Variants in PARD3 observed in about 807,000 individuals in gnomAD.
The protein encoded by PARD3 is par-3 family cell polarity regulator, also known as partitioning defective 3 homolog.
A neutral mutation model predicts 155.4 loss-of-function variants in PARD3; 75 were observed. That is an observed-to-expected ratio of 0.48 (90% confidence interval 0.40 to 0.58). The LOEUF is 0.58. PARD3 is among the 20% of genes least tolerant of loss of function. PARD3 has a pLI of 0.00. For missense variants in PARD3, 1,642 were observed against 1,721.7 expected, an observed-to-expected ratio of 0.95 and a Z score of 0.82; for synonymous variants, 576 against 610.5, an observed-to-expected ratio of 0.94 and a Z score of 0.83.
intron 2 of PARD3, among the ~76,000 whole-genome samples, chr10:34,686,886 T>G (rs2093961688): frequency 6.6e-6 from 1 of 151,694 alleles, no homozygotes; most frequent in Non-Finnish European, 1.5e-5. Context: ...CTGTCTCTAC[T>G]AAAAATACAA....
At chr10:34,367,602 G>A (rs1288225560) in intron 12 of PARD3, among the ~76,000 whole-genome samples, 1 of 152,116 alleles carries the variant, frequency 6.6e-6, no homozygotes, top group Non-Finnish European at 1.5e-5. Flanking sequence ...TACTCGGGAG[G>A]CTAAGGCAGG....
chr10:34,360,221 G>C lies in PARD3; in HGVS notation c.1746C>G (p.Gly582=). 1 of 1,613,762 alleles carries C rather than the reference G, an allele frequency of 6.2e-7. No individual in the cohort carries two copies. Among genetic ancestry groups the C allele is most frequent in the Non-Finnish European group, 8.5e-7 (1 of 1,179,676 alleles). ...EDEDIVLTPD[G]TREFLTFEVP... ...CTTCAAATGTCAGAAATTCCCTGGT[G>C]CCATCAGGTGTAAGAACAATATCCT... Residue 582 remains glycine, a synonymous_variant, in exon 13 of 25, where the codon GGC becomes GGG. Transcript: ENST00000374788.
intron 22 of PARD3, among the ~76,000 whole-genome samples, chr10:34,243,021 T>C (rs1168275683): frequency 6.6e-6 from 1 of 152,244 alleles, no homozygotes; most frequent in African/African-American, 2.4e-5. Context: ...TGCATTTCTA[T>C]CTTGTTAGTA....
chr10:34,150,586 G>A (rs1394524015), intron 22 of PARD3, among the ~76,000 whole-genome samples: 2 of 152,190 alleles, frequency 1.3e-5, no homozygotes, highest in African/African-American at 4.8e-5. Context: ...TATGTGAGGT[G>A]ACGTGCCGGA....
chr10:34,736,198 T>C (rs982337608), intron 1 of PARD3, among the ~76,000 whole-genome samples: 4 of 151,628 alleles, frequency 2.6e-5, no homozygotes, highest in African/African-American at 7.3e-5. Flanking sequence ...CACCCGCTAA[T>C]TTTTTGTATT....
intron 3 of PARD3, among the ~76,000 whole-genome samples, chr10:34,480,827 G>A (rs2079038015): frequency 7.0e-6 from 1 of 142,824 alleles, no homozygotes; most frequent in Non-Finnish European, 1.5e-5. Context: ...TTTTGAGACG[G>A]AGTCTTGCTC....
intron 2 of PARD3, among the ~76,000 whole-genome samples, chr10:34,579,970 G>A (rs1197967765): frequency 6.6e-6 from 1 of 151,710 alleles, no homozygotes; most frequent in Non-Finnish European, 1.5e-5. Context: ...GGAGTGCAGT[G>A]GTGCAATCTC....
chr10:34,295,289 A>G (rs1956855809), intron 20 of PARD3, among the ~76,000 whole-genome samples: 1 of 152,218 alleles, frequency 6.6e-6, no homozygotes, highest in African/African-American at 2.4e-5. Context: ...AATGCTGCTC[A>G]TGTAAAAGGG....
intron 1 of PARD3, among the ~76,000 whole-genome samples, chr10:34,743,030 A>G (rs1286076869): frequency 6.6e-6 from 1 of 152,224 alleles, no homozygotes; most frequent in Non-Finnish European, 1.5e-5. Flanking sequence ...TATCTAATTC[A>G]TTGGATTATA....
chr10:34,582,763 CAT>C (rs559763847), intron 2 of PARD3, among the ~76,000 whole-genome samples: 165 of 152,348 alleles, frequency 1.1e-3, no homozygotes, highest in African/African-American at 3.6e-3. Flanking sequence ...GCTAGGCAGT[CAT>C]GTGCTCACCT....
At chr10:34,371,500 A>C (rs1207065591) in intron 12 of PARD3, among the ~76,000 whole-genome samples, 1 of 71,036 alleles carries the variant, frequency 1.4e-5, no homozygotes, top group Non-Finnish European at 2.4e-5. Context: ...AAAAAAAAAA[A>C]AAAAAAAAAA....
intron 2 of PARD3, among the ~76,000 whole-genome samples, chr10:34,555,983 A>ATCT (rs2134008269): frequency 6.6e-6 from 1 of 152,336 alleles, no homozygotes; most frequent in East Asian, 1.9e-4. Context: ...AGAGAGAGAG[A>ATCT]TCTCTACTTG....
chr10:34,414,395 T>A (rs1311642559), intron 5 of PARD3, among the ~76,000 whole-genome samples: 2 of 152,074 alleles, frequency 1.3e-5, no homozygotes, highest in African/African-American at 4.8e-5. Context: ...CCATAAAACA[T>A]CCTAAAGGAA....
intron 23 of PARD3, 76 bp downstream of exon 23, chr10:34,131,387 T>G: frequency 2.9e-5 from 45 of 1,537,966 alleles, no homozygotes; most frequent in Non-Finnish European, 3.6e-5. Context: ...CATAGAGCAT[T>G]GAGGTCATAG....
intron 1 of PARD3, among the ~76,000 whole-genome samples, chr10:34,776,890 G>A (rs1839627386): frequency 6.7e-6 from 1 of 149,600 alleles, no homozygotes; most frequent in African/African-American, 2.5e-5. Flanking sequence ...AGGCTGGAGT[G>A]CAATGGCACA....
At chr10:34,673,729 C>G (rs768320824) in intron 2 of PARD3, among the ~76,000 whole-genome samples, 1 of 152,136 alleles carries the variant, frequency 6.6e-6, no homozygotes, top group Admixed American at 6.5e-5. Context: ...GTTATTCTCT[C>G]TACTACAAAC....
intron 2 of PARD3, among the ~76,000 whole-genome samples, chr10:34,656,107 A>C (rs1212963373): frequency 6.6e-6 from 1 of 152,206 alleles, no homozygotes; most frequent in East Asian, 1.9e-4. Context: ...TGAAGAAAAA[A>C]GTAAAGAGTA....
chr10:34,665,665 C>T (rs1207872331), intron 2 of PARD3, among the ~76,000 whole-genome samples: 1 of 152,014 alleles, frequency 6.6e-6, no homozygotes, highest in Non-Finnish European at 1.5e-5. Context: ...TGGTGAAACC[C>T]CACCTCTACT....
chr10:34,802,923 G>A (rs965868330), intron 1 of PARD3, among the ~76,000 whole-genome samples: 6 of 151,844 alleles, frequency 4.0e-5, no homozygotes, highest in African/African-American at 1.5e-4. Context: ...AAAGCAGGTG[G>A]TATTAAAAGG....
Sources: gnomAD v4.1 joint callset for allele counts (sites outside exome capture counted in the v4.1 genomes callset) on GRCh38, gnomAD v4.1.1 for gene constraint, MANE v1.5 for transcripts, NCBI Gene and HGNC (gene_info 2026-07-23, HGNC 2026-07-21) for gene names.